PECR: variants seen among roughly 807,000 people sequenced by gnomAD.
PECR encodes the protein 2,4-dienoyl-CoA reductase-related protein.
PECR carries 30 observed loss-of-function variants against 35.3 expected under a neutral mutation model. That is an observed-to-expected ratio of 0.85 (90% CI 0.64 to 1.15). The LOEUF (loss-of-function observed/expected upper bound fraction) is 1.15. Among genes scored for constraint, PECR ranks in the 50% most tolerant of loss-of-function variants. PECR has a pLI of 0.00. For missense variants in PECR, 392 were observed against 370.8 expected (o/e 1.06, Z -0.47); for synonymous variants, 148 against 138.9 (o/e 1.07, Z -0.46).
At chr2:216,044,869 G>C (rs1694962128) in intron 6 of PECR, among the ~76,000 whole-genome samples, 1 of 152,184 alleles carries the variant, frequency 6.6e-6, no homozygotes, top group South Asian at 2.1e-4. Context: ...AAGAAGCAGA[G>C]TTTCTCAAAG....
At chr2:216,050,282 G>A (rs1695082050) in intron 5 of PECR, among the ~76,000 whole-genome samples, 1 of 152,170 alleles carries the variant, frequency 6.6e-6, no homozygotes. Flanking sequence ...GATTCAAACT[G>A]TTGAATTATG....
rs531502433 is a variant in PECR, at chr2:216,048,067, CTTTAT to C, written c.714+1191_714+1195del. ...TGTGGGAAAGACATCCTTTTCTTTT[CTTTAT>C]TTTATTTTATTTTATTTTTTGAGAT... On this transcript the variant is annotated intron_variant, in intron 6 of 7. Coordinates refer to ENST00000265322, the MANE Select transcript of PECR (RefSeq NM_018441.6). Among the ~76,000 whole-genome samples the C allele has an allele frequency of 5.9e-3, 865 of 145,380 alleles. 5 individuals are homozygous for C. Among genetic ancestry groups the C allele is most frequent in the African/African-American group, 0.021 (810 of 39,076 alleles).
At chr2:216,061,129 CAA>C (rs151215904) in intron 3 of PECR, among the ~76,000 whole-genome samples, 28,619 of 51,540 alleles carry the variant, frequency 0.56, 6,316 homozygotes, top group East Asian at 0.6. Context: ...CCGGCTCTAC[CAA>C]AAAAAAAAAA....
At chr2:216,072,145 T>G (rs552672748) in intron 1 of PECR, among the ~76,000 whole-genome samples, 46 of 152,344 alleles carry the variant, frequency 3.0e-4, no homozygotes, top group Non-Finnish European at 5.9e-4. Context: ...GTTTTCACCC[T>G]AATACAGCAT....
chr2:216,036,182 C>T (rs373712896), downstream of PECR, among the ~76,000 whole-genome samples: 6 of 152,292 alleles, frequency 3.9e-5, no homozygotes, highest in South Asian at 2.1e-4. Context: ...ATCCACACCC[C>T]GCACCATCCA....
chr2:216,047,077 G>C (rs1695010177), intron 6 of PECR, among the ~76,000 whole-genome samples: 1 of 152,132 alleles, frequency 6.6e-6, no homozygotes, highest in Admixed American at 6.5e-5. Context: ...AGACCAGCCT[G>C]ACCAGCATGA....
At chr2:216,048,276 C>G (rs977778990) in intron 6 of PECR, among the ~76,000 whole-genome samples, 1 of 151,194 alleles carries the variant, frequency 6.6e-6, no homozygotes, top group Admixed American at 6.6e-5. Flanking sequence ...GGGGTTTCAC[C>G]GTGTTAGCCA....
chr2:216,040,647 T>C (rs1694871411), intron 7 of PECR, among the ~76,000 whole-genome samples: 1 of 152,140 alleles, frequency 6.6e-6, no homozygotes, highest in African/African-American at 2.4e-5. Flanking sequence ...GGCAGGCGGA[T>C]CACCTGAGGT....
chr2:216,031,799 C>T (rs1239539105), intron 7 of PECR, among the ~76,000 whole-genome samples: 2 of 152,210 alleles, frequency 1.3e-5, no homozygotes, highest in Non-Finnish European at 2.9e-5. Flanking sequence ...CACAATCAAT[C>T]CCATTGAAAC....
chr2:216,040,938 C>T (rs187131616), intron 7 of PECR, among the ~76,000 whole-genome samples: 1 of 152,234 alleles, frequency 6.6e-6, no homozygotes, highest in African/African-American at 2.4e-5. Context: ...GAAATAAATA[C>T]TGTATGTGTC....
intron 7 of PECR, among the ~76,000 whole-genome samples, chr2:216,043,237 A>G (rs941808401): frequency 2.6e-5 from 4 of 151,608 alleles, no homozygotes; most frequent in Non-Finnish European, 4.4e-5. Flanking sequence ...CCTCCCAAGT[A>G]GCTGGGACTA....
chr2:216,045,903 C>T (rs1001759133), intron 6 of PECR, among the ~76,000 whole-genome samples: 2 of 152,140 alleles, frequency 1.3e-5, no homozygotes, highest in Admixed American at 6.5e-5. Flanking sequence ...ACCGGCCAGA[C>T]GCGGTGGCTC....
At chr2:216,065,629 A>G (rs1387403280) in intron 2 of PECR, 152 bp from the exon 3 acceptor site, 2 of 669,536 alleles carry the variant, frequency 3.0e-6, no homozygotes, top group Admixed American at 4.3e-5. Context: ...GCAATGAATA[A>G]GACTAAAAAT....
intron 1 of PECR, among the ~76,000 whole-genome samples, chr2:216,078,562 T>C (rs1443620035): frequency 1.4e-5 from 2 of 146,742 alleles, no homozygotes; most frequent in African/African-American, 2.5e-5. Flanking sequence ...TACTCCAGCC[T>C]GGGCGACAGA....
intron 1 of PECR, among the ~76,000 whole-genome samples, chr2:216,068,966 C>T (rs1436310928): frequency 1.3e-5 from 2 of 152,016 alleles, no homozygotes; most frequent in Non-Finnish European, 2.9e-5. Flanking sequence ...AGATTTATAA[C>T]ATATGTAGAA....
intron 3 of PECR, 24 bp downstream of exon 3, chr2:216,065,288 C>T: frequency 6.4e-7 from 1 of 1,551,678 alleles, no homozygotes; most frequent in Non-Finnish European, 8.9e-7. Flanking sequence ...GACATGTTGA[C>T]TTGTGGATAC....
chr2:216,071,266 G>A (rs1484859860), intron 1 of PECR, among the ~76,000 whole-genome samples: 1 of 152,172 alleles, frequency 6.6e-6, no homozygotes, highest in Non-Finnish European at 1.5e-5. Flanking sequence ...TTGTGGCTGT[G>A]GCCAGGAGGC....
intron 7 of PECR, among the ~76,000 whole-genome samples, chr2:216,030,267 C>T (rs1276533449): frequency 6.6e-6 from 1 of 152,134 alleles, no homozygotes; most frequent in Non-Finnish European, 1.5e-5. Flanking sequence ...TCTTCATTGT[C>T]CTTGGTGCTG....
chr2:216,046,293 C>T (rs62181276), intron 6 of PECR, among the ~76,000 whole-genome samples: 21,430 of 97,612 alleles, frequency 0.22, 2,892 homozygotes, highest in African/African-American at 0.38. Flanking sequence ...TATATACATA[C>T]ATATATATAT....
Sources: allele counts gnomAD v4.1 joint callset (sites outside exome capture counted in the v4.1 genomes callset), GRCh38; gene constraint gnomAD v4.1.1; transcripts MANE v1.5; gene names NCBI Gene and HGNC (gene_info 2026-07-23, HGNC 2026-07-21).